NRG3: variants seen among roughly 807,000 people sequenced by gnomAD.
The protein encoded by NRG3 is neuregulin 3.
A neutral mutation model predicts 66.9 loss-of-function variants in NRG3; 31 were observed. The observed-to-expected ratio is 0.46, with a 90% CI of 0.35 to 0.63. The LOEUF is 0.63. Among genes scored for constraint, NRG3 ranks in the 20% least tolerant of loss-of-function variants. The probability of loss-of-function intolerance (pLI) is 0.00; values close to 1 mark genes in which losing one functional copy is unlikely to be tolerated. For missense variants in NRG3, 910 were observed against 878.9 expected, an observed-to-expected ratio of 1.04 and a Z score of -0.45; for synonymous variants, 393 against 359.4, an observed-to-expected ratio of 1.09 and a Z score of -1.06.
chr10:82,435,008 C>T (rs901895783), intron 2 of NRG3, among the ~76,000 whole-genome samples: 7 of 152,046 alleles, frequency 4.6e-5, no homozygotes, highest in African/African-American at 1.7e-4. Flanking sequence ...TTAAAAGTTT[C>T]AGAAGTAATG....
chr10:82,640,955 CATAAT>C (rs1404145291), intron 2 of NRG3, among the ~76,000 whole-genome samples: 2 of 150,438 alleles, frequency 1.3e-5, no homozygotes, highest in Non-Finnish European at 3.0e-5. Context: ...TTTTGTTTCT[CATAAT>C]ATAAAATGCT....
chr10:82,390,608 A>C (rs2086295294), intron 2 of NRG3, among the ~76,000 whole-genome samples: 1 of 152,188 alleles, frequency 6.6e-6, no homozygotes, highest in Non-Finnish European at 1.5e-5. Context: ...TAGTTTGAAT[A>C]AGGTGTATGA....
chr10:82,582,439 A>C (rs1473836177), intron 2 of NRG3, among the ~76,000 whole-genome samples: 1 of 152,092 alleles, frequency 6.6e-6, no homozygotes, highest in East Asian at 1.9e-4. Flanking sequence ...ATTTCTGTTA[A>C]ATGGTATGGC....
intron 8 of NRG3, among the ~76,000 whole-genome samples, chr10:82,981,480 G>C (rs540497142): frequency 6.6e-6 from 1 of 152,156 alleles, no homozygotes; most frequent in Admixed American, 6.5e-5. Context: ...AATGGGATTC[G>C]TAATAGAATT....
At chr10:82,289,185 T>C (rs2134562399) in intron 1 of NRG3, among the ~76,000 whole-genome samples, 1 of 152,248 alleles carries the variant, frequency 6.6e-6, no homozygotes, top group Non-Finnish European at 1.5e-5. Context: ...ACCTTTGTCT[T>C]TGACTTCGCT....
At chr10:81,933,103 A>G (rs1847536291) in intron 1 of NRG3, among the ~76,000 whole-genome samples, 3 of 143,212 alleles carry the variant, frequency 2.1e-5, no homozygotes, top group African/African-American at 8.0e-5. Flanking sequence ...GCAACGCTCC[A>G]TCTCAAAAAA....
At chr10:82,867,075 G>T (rs1299702343) in intron 4 of NRG3, among the ~76,000 whole-genome samples, 2 of 152,152 alleles carry the variant, frequency 1.3e-5, no homozygotes, top group Non-Finnish European at 2.9e-5. Context: ...TAAGGGTAAT[G>T]CCAGCTGCAT....
At chr10:81,975,335 A>G (rs985508229) in intron 1 of NRG3, among the ~76,000 whole-genome samples, 30 of 150,304 alleles carry the variant, frequency 2.0e-4, no homozygotes, top group African/African-American at 6.5e-4. Flanking sequence ...CTATCTATCT[A>G]TCTATCTATC....
chr10:82,149,984 C>T (rs1020941604), intron 1 of NRG3, among the ~76,000 whole-genome samples: 3 of 152,078 alleles, frequency 2.0e-5, no homozygotes, highest in Admixed American at 6.6e-5. Flanking sequence ...CCAGGAATCC[C>T]GACGAGATGG....
chr10:81,918,623 A>G (rs1845926203), intron 1 of NRG3, among the ~76,000 whole-genome samples: 1 of 152,200 alleles, frequency 6.6e-6, no homozygotes, highest in Admixed American at 6.5e-5. Flanking sequence ...CATGTGTAGC[A>G]TGCACCTCTT....
chr10:81,993,250 T>C (rs1322105279), intron 1 of NRG3, among the ~76,000 whole-genome samples: 1 of 152,222 alleles, frequency 6.6e-6, no homozygotes, highest in East Asian at 1.9e-4. Context: ...TCTACTGTTC[T>C]CATTTTACAG....
intron 1 of NRG3, among the ~76,000 whole-genome samples, chr10:82,195,814 A>T (rs2074417220): frequency 6.6e-6 from 1 of 152,232 alleles, no homozygotes; most frequent in Admixed American, 6.5e-5. Flanking sequence ...TCAGTGTCAG[A>T]GGGACACAGC....
chr10:82,405,058 T>C (rs2087397178), intron 2 of NRG3, among the ~76,000 whole-genome samples: 1 of 152,138 alleles, frequency 6.6e-6, no homozygotes, highest in Non-Finnish European at 1.5e-5. Flanking sequence ...TGATGAATAT[T>C]TGGAACAAAT....
At chr10:82,214,620 A>G (rs973100395) in intron 1 of NRG3, among the ~76,000 whole-genome samples, 1 of 128,898 alleles carries the variant, frequency 7.8e-6, no homozygotes, top group Non-Finnish European at 1.7e-5. Flanking sequence ...ATGCCACCAC[A>G]CCTGGCTAAT....
At chr10:82,158,824 A>G (rs928142164) in intron 1 of NRG3, among the ~76,000 whole-genome samples, 16 of 151,858 alleles carry the variant, frequency 1.1e-4, no homozygotes, top group African/African-American at 3.9e-4. Flanking sequence ...TTAAAATAAG[A>G]GCCTTTTTTC....
intron 1 of NRG3, among the ~76,000 whole-genome samples, chr10:81,934,868 A>C (rs1178967422): frequency 6.6e-6 from 1 of 152,208 alleles, no homozygotes; most frequent in African/African-American, 2.4e-5. Context: ...TATCATCTTC[A>C]GTAGCCTGTT....
chr10:82,129,430 T>G (rs185544674), intron 1 of NRG3, among the ~76,000 whole-genome samples: 1 of 152,146 alleles, frequency 6.6e-6, no homozygotes, highest in South Asian at 2.1e-4. Context: ...TATGGGTACA[T>G]AGTTGGTGTA....
At chr10:82,120,806 G>A (rs2068039000) in intron 1 of NRG3, among the ~76,000 whole-genome samples, 1 of 152,072 alleles carries the variant, frequency 6.6e-6, no homozygotes, top group African/African-American at 2.4e-5. Context: ...GCCAAGAGCT[G>A]GAGATTCAGG....
intron 1 of NRG3, among the ~76,000 whole-genome samples, chr10:82,300,302 T>C (rs964537662): frequency 6.6e-6 from 1 of 152,204 alleles, no homozygotes; most frequent in Non-Finnish European, 1.5e-5. Flanking sequence ...GCTAAATTAA[T>C]GATCATTGTT....
Sources: allele counts gnomAD v4.1 joint callset (sites outside exome capture counted in the v4.1 genomes callset), GRCh38; gene constraint gnomAD v4.1.1; transcripts MANE v1.5; gene names NCBI Gene and HGNC (gene_info 2026-07-23, HGNC 2026-07-21).